The following ISG20 variants were observed in gnomAD, a reference collection of about 807,000 sequenced individuals.
ISG20 encodes interferon-stimulated gene 20 kDa protein.
ISG20 carries 8 observed loss-of-function variants against 11.1 expected under a neutral mutation model. The observed-to-expected ratio is 0.72, with a 90% confidence interval of 0.42 to 1.30. The LOEUF is 1.30. Among genes scored for constraint, ISG20 ranks in the 50% most tolerant of loss-of-function variants. The pLI, the probability that ISG20 is intolerant of heterozygous loss-of-function variation, is 0.01. For missense variants in ISG20, 243 were observed against 250.2 expected (o/e 0.97, Z 0.19); for synonymous variants, 110 against 101.7 (o/e 1.08, Z -0.49).
intron 2 of ISG20, among the ~76,000 whole-genome samples, chr15:88,644,113 G>T (rs188927667): frequency 2.0e-5 from 3 of 152,306 alleles, no homozygotes; most frequent in African/African-American, 7.2e-5. Context: ...TCTATGTAGG[G>T]AATTAAGTGG....
At chr15:88,638,302 C>T (rs1367170564), upstream of ISG20, among the ~76,000 whole-genome samples, 4 of 152,216 alleles carry the variant, frequency 2.6e-5, no homozygotes, top group African/African-American at 9.6e-5. Flanking sequence ...TCACTAAATA[C>T]CAAGCCCTCC....
upstream of ISG20, among the ~76,000 whole-genome samples, chr15:88,635,791 A>G (rs1204597307): frequency 6.6e-6 from 1 of 152,028 alleles, no homozygotes; most frequent in East Asian, 1.9e-4. Context: ...CATGTATTTT[A>G]TACATTCATG....
At chr15:88,637,239 A>G (rs2057998074), upstream of ISG20, 1 of 152,150 alleles carries the variant, frequency 6.6e-6, no homozygotes, top group Middle Eastern at 3.2e-3. Context: ...ACCTAAAAGA[A>G]AGGCCTTAAA....
rs1033784164 is a variant in ISG20, at chr15:88,639,173, G to C, written c.-25+97G>C. ...CAGGCCAGAGGCCCTGGGACACACGGGCAGGGTAAGGCAGGGGATGGGGGA... is the reference window on the plus strand; with the variant it reads ...CAGGCCAGAGGCCCTGGGACACACGCGCAGGGTAAGGCAGGGGATGGGGGA... On this transcript the variant is annotated intron_variant, in intron 1 of 3. Transcript: ENST00000306072. This position sits in a 1 kb window ranked among gnomAD's most constrained non-coding sequence, Gnocchi z 4.2. 6.7e-6 allele frequency: 4 copies of C among 597,842 alleles called. No homozygotes were observed. Among genetic ancestry groups the C allele is most frequent in the Non-Finnish European group, 1.2e-5 (4 of 336,430 alleles). 37.0% of individuals were successfully genotyped at this position (597,842 alleles called of 1,614,324 possible). A position where few individuals can be genotyped will look rare whatever the true frequency, so the allele number is the denominator to read the frequency against.
rs1007396492 is a variant in ISG20 at position 88,639,106 on chromosome 15, G to A, written c.-25+30G>A. ...GAGCGGGAGCTGGAGCAGCAGCTGG[G>A]GAGGCAGCGGGAGGGGCCTTCCCGG... is the stretch of plus-strand genomic sequence containing the variant. On this transcript the variant is annotated intron_variant, in intron 1 of 3. Coordinates refer to ENST00000306072, the MANE Select transcript of ISG20 (RefSeq NM_002201.6). This position sits in a 1 kb window ranked among gnomAD's most constrained non-coding sequence, Gnocchi z 4.2. 1.8e-6 allele frequency: 1 copy of A among 553,704 alleles called. No homozygotes were observed. The highest frequency in any genetic ancestry group is 1.9e-5 in the African/African-American group (1 of 53,100). 34.3% of individuals were successfully genotyped at this position (553,704 alleles called of 1,614,324 possible). A position where few individuals can be genotyped will look rare whatever the true frequency, so the allele number is the denominator to read the frequency against.
At chr15:88,651,695 C>A (rs2058276828) in intron 2 of ISG20, 3 of 763,254 alleles carry the variant, frequency 3.9e-6, no homozygotes, top group South Asian at 9.9e-5. Context: ...TTCCTCTTTG[C>A]CAGGTAATGC....
At position 88,639,713 on chromosome 15, in the gene ISG20, C is replaced by A; in HGVS notation, c.228+119C>A. 1 of 742,834 alleles carries A rather than the reference C, an allele frequency of 1.3e-6. No homozygotes were observed. The highest frequency in any genetic ancestry group is 2.2e-6 in the Non-Finnish European group (1 of 451,128). 46.0% of individuals were successfully genotyped at this position (742,834 alleles called of 1,614,324 possible). A position where few individuals can be genotyped will look rare whatever the true frequency, so the allele number is the denominator to read the frequency against. On this transcript the variant is annotated intron_variant, in intron 2 of 3. Transcript: ENST00000306072. The surrounding 1 kb of genome is among the most constrained non-coding windows in gnomAD (Gnocchi z 4.2). ...CCCACTTGTAAGATTTCCCACACTG[C>A]TGTTGGGAGAAAGCCGGTGGTGTCT...
At chr15:88,651,989 A>C in intron 2 of ISG20, 121 bp from the exon 3 acceptor site, 2 of 1,523,412 alleles carry the variant, frequency 1.3e-6, no homozygotes, top group Non-Finnish European at 1.8e-6. Flanking sequence ...AAGCCCAGGG[A>C]GGACTGATAA....
chr15:88,638,581 GCCTGTATGT>G (rs1208625324), upstream of ISG20, among the ~76,000 whole-genome samples: 6 of 152,336 alleles, frequency 3.9e-5, no homozygotes, highest in African/African-American at 1.4e-4. Context: ...TCCAATAAAA[GCCTGTATGT>G]CCCAAGAGCC....
At position 88,650,299 on chromosome 15, in the gene ISG20, A is replaced by G. The variant is rs1242615529; in HGVS notation, c.229-1811A>G. 6.5e-7 allele frequency: 1 copy of G among 1,535,572 alleles called. No individual in the cohort carries two copies. Among genetic ancestry groups the G allele is most frequent in the African/African-American group, 1.4e-5 (1 of 73,150 alleles). ...CAAGCTGACTGGCCTGTGTGACCAG[A>G]GCAGGGCAGGCTGTCCATGTGGGAG... On this transcript the variant is annotated intron_variant, in intron 2 of 3. Transcript: ENST00000306072. This position sits in a 1 kb window ranked among gnomAD's most constrained non-coding sequence, Gnocchi z 4.0.
intron 2 of ISG20, among the ~76,000 whole-genome samples, chr15:88,641,926 CTTTTTTTTT>C (rs140178121): frequency 0.013 from 1,334 of 102,822 alleles, 37 homozygotes; most frequent in African/African-American, 0.043. Context: ...TTAGCTTCCT[CTTTTTTTTT>C]TTTTTTTTTT....
At position 88,643,645 on chromosome 15, in the gene ISG20, A is replaced by C. The variant is rs2058119122; in HGVS notation, c.228+4051A>C. 6.6e-6 allele frequency among the ~76,000 whole-genome samples: 1 copy of C among 152,194 alleles called. No individual in the cohort carries two copies. The highest frequency in any genetic ancestry group is 1.5e-5 in the Non-Finnish European group (1 of 68,030). ...CTTAAACCCAGGAGGCGGAAGTTGC[A>C]GTGAGCCAAGATCGTGCCACTGCCA... On this transcript the variant is annotated intron_variant, in intron 2 of 3. Coordinates refer to ENST00000306072, the MANE Select transcript of ISG20 (RefSeq NM_002201.6). The surrounding 1 kb of genome is among the most constrained non-coding windows in gnomAD (Gnocchi z 4.4).
intron 2 of ISG20, chr15:88,651,683 A>T: frequency 1.5e-6 from 1 of 680,604 alleles, no homozygotes; most frequent in Non-Finnish European, 1.8e-6. Context: ...CCGGAACTTT[A>T]ATTCCTCTTT....
At chr15:88,653,039 G>T (rs1404723895) in intron 3 of ISG20, among the ~76,000 whole-genome samples, 2 of 152,114 alleles carry the variant, frequency 1.3e-5, no homozygotes, top group African/African-American at 4.8e-5. Flanking sequence ...TTCACCCTGT[G>T]GGAAGGGCAG....
At chr15:88,638,083 T>TG (rs1285888174), upstream of ISG20, among the ~76,000 whole-genome samples, 46 of 152,256 alleles carry the variant, frequency 3.0e-4, no homozygotes, top group Admixed American at 1.9e-3. Flanking sequence ...ACTACAGACC[T>TG]GGGGAAGTTA....
At chr15:88,646,623 C>G (rs1340333222) in intron 2 of ISG20, among the ~76,000 whole-genome samples, 1 of 152,160 alleles carries the variant, frequency 6.6e-6, no homozygotes, top group Non-Finnish European at 1.5e-5. Flanking sequence ...GTTTTAATCC[C>G]AAAGACAGAT....
rs1291809589 is a variant in ISG20 at position 88,639,803 on chromosome 15, T to C, written c.228+209T>C. On this transcript the variant is annotated intron_variant, in intron 2 of 3. Coordinates refer to ENST00000306072, the MANE Select transcript of ISG20 (RefSeq NM_002201.6). This position sits in a 1 kb window ranked among gnomAD's most constrained non-coding sequence, Gnocchi z 4.2. ...CATAGACTCACATCTGGAAGCCGCC[T>C]TTGGGGCATCTATCTGGATCTGGTC... Among the ~76,000 whole-genome samples, 2 of 152,218 alleles carry C rather than the reference T, an allele frequency of 1.3e-5. No homozygotes were observed.
At chr15:88,648,757 A>G (rs2141399938) in intron 2 of ISG20, 1 of 152,336 alleles carries the variant, frequency 6.6e-6, no homozygotes, top group South Asian at 2.1e-4. Context: ...GGAATTAAGA[A>G]TAACCTCATT....
At chr15:88,644,532 C>CAAA (rs373461017) in intron 2 of ISG20, among the ~76,000 whole-genome samples, 1 of 89,156 alleles carries the variant, frequency 1.1e-5, no homozygotes, top group Non-Finnish European at 2.2e-5. Flanking sequence ...ACTTAGTCTC[C>CAAA]AAAAAAAAAA....
Sources: gnomAD v4.1 joint callset for allele counts (sites outside exome capture counted in the v4.1 genomes callset) on GRCh38, gnomAD v4.1.1 for gene constraint, Gnocchi (gnomAD v3.1) non-coding constraint, MANE v1.5 for transcripts, NCBI Gene and HGNC (gene_info 2026-07-23, HGNC 2026-07-21) for gene names.